Variants in PTPRD observed in about 807,000 individuals in gnomAD.
PTPRD encodes the protein receptor-type tyrosine-protein phosphatase delta.
PTPRD carries 34 observed loss-of-function variants against 214.5 expected under a neutral mutation model. The ratio of observed to expected loss-of-function variants is 0.16; its 90% CI spans 0.12 to 0.21. PTPRD has a LOEUF of 0.21. Among genes scored for constraint, PTPRD ranks in the 10% least tolerant of loss-of-function variants. The pLI is 1.00. For missense variants in PTPRD, 2,545 were observed against 2,398.7 expected, an observed-to-expected ratio of 1.06 and a Z score of -1.27; for synonymous variants, 1,128 against 845.7, an observed-to-expected ratio of 1.33 and a Z score of -5.79.
rs140605860 is a variant in PTPRD, at chr9:8,667,334, C to A, written c.65-30490G>T. Among the ~76,000 whole-genome samples, 87 of 152,162 alleles carry A rather than the reference C, an allele frequency of 5.7e-4. No individual in the cohort carries two copies. In the East Asian group the frequency reaches 0.016, roughly 28 times the overall value. The stretch of plus-strand genomic sequence containing the variant: ...AGCCTGGGCAACAAGAGCAAAACGT[C>A]GTCTCTAAATAAATAAATAAAACAA... On this transcript the variant is annotated intron_variant, in intron 12 of 45. Transcript: ENST00000381196.
At chr9:9,165,136 C>T (rs1319864475) in intron 10 of PTPRD, among the ~76,000 whole-genome samples, 2 of 151,170 alleles carry the variant, frequency 1.3e-5, no homozygotes, top group African/African-American at 2.4e-5. Context: ...TGAACTTCAT[C>T]TACCTGAAAG....
At chr9:9,152,172 C>T (rs2099877385) in intron 10 of PTPRD, among the ~76,000 whole-genome samples, 1 of 152,206 alleles carries the variant, frequency 6.6e-6, no homozygotes, top group Non-Finnish European at 1.5e-5. Flanking sequence ...CTGGCTAATA[C>T]TAACTAGCTC....
At chr9:10,346,023 T>TAAGA (rs2097073864) in intron 2 of PTPRD, among the ~76,000 whole-genome samples, 1 of 152,178 alleles carries the variant, frequency 6.6e-6, no homozygotes, top group African/African-American at 2.4e-5. Context: ...ATATCAATCA[T>TAAGA]TTAACCTCTT....
intron 8 of PTPRD, among the ~76,000 whole-genome samples, chr9:9,523,500 A>G (rs1229231883): frequency 6.6e-6 from 1 of 151,910 alleles, no homozygotes; most frequent in Non-Finnish European, 1.5e-5. Context: ...CCCTTGACAC[A>G]ACATATTTAT....
chr9:9,653,429 A>G (rs924088619), intron 7 of PTPRD, among the ~76,000 whole-genome samples: 2 of 147,638 alleles, frequency 1.4e-5, no homozygotes, highest in African/African-American at 4.9e-5. Flanking sequence ...TATAATGGTT[A>G]GCAAATATAG....
intron 11 of PTPRD, among the ~76,000 whole-genome samples, chr9:8,832,339 G>GT (rs1644257291): frequency 6.7e-6 from 1 of 148,614 alleles, no homozygotes; most frequent in South Asian, 2.2e-4. Flanking sequence ...GGGTAACAGT[G>GT]TATTTTTGTA....
chr9:8,931,099 G>A (rs10453209), intron 11 of PTPRD, among the ~76,000 whole-genome samples: 75,191 of 151,568 alleles, frequency 0.5, 18,899 homozygotes, highest in Middle Eastern at 0.59. Context: ...GTTTAGGTCT[G>A]ACATTTAAGT....
intron 11 of PTPRD, among the ~76,000 whole-genome samples, chr9:8,769,470 T>C (rs983687214): frequency 2.0e-5 from 3 of 152,182 alleles, no homozygotes; most frequent in Non-Finnish European, 2.9e-5. Flanking sequence ...AGTGTGTGAT[T>C]TGGCCGAGGC....
At chr9:8,723,514 G>C (rs1350237609) in intron 12 of PTPRD, among the ~76,000 whole-genome samples, 1 of 152,156 alleles carries the variant, frequency 6.6e-6, no homozygotes, top group African/African-American at 2.4e-5. Flanking sequence ...TATAAAGTCT[G>C]TGGTAACAGG....
intron 11 of PTPRD, among the ~76,000 whole-genome samples, chr9:9,004,185 C>G (rs773166668): frequency 2.3e-4 from 35 of 151,970 alleles, no homozygotes; most frequent in Non-Finnish European, 4.4e-4. Flanking sequence ...TTTTGATATT[C>G]AGTATCATTT....
intron 14 of PTPRD, among the ~76,000 whole-genome samples, chr9:8,610,575 A>C (rs1221882803): frequency 1.3e-5 from 2 of 152,184 alleles, no homozygotes; most frequent in African/African-American, 4.8e-5. Flanking sequence ...TTCTATTTGA[A>C]CAGCAAAAAA....
At chr9:8,489,785 A>G (rs1229077827) in intron 27 of PTPRD, among the ~76,000 whole-genome samples, 4 of 152,236 alleles carry the variant, frequency 2.6e-5, no homozygotes, top group Admixed American at 6.5e-5. Context: ...GAATTCTCCC[A>G]AACTCCACAG....
chr9:9,350,558 T>C (rs2050719038), intron 9 of PTPRD, among the ~76,000 whole-genome samples: 1 of 152,076 alleles, frequency 6.6e-6, no homozygotes, highest in Non-Finnish European at 1.5e-5. Flanking sequence ...TAAGGTGTCA[T>C]GGTCATCACT....
At position 8,484,187 on chromosome 9, in the gene PTPRD, A is replaced by C. The variant is rs368086691; in HGVS notation, c.3345T>G (p.Ile1115Met). The change falls in exon 30 of 46, where the codon ATT becomes ATG. Residue 1115 changes from isoleucine to methionine, a missense_variant. Ile to Met is a conservative substitution (Grantham distance 10). Transcript: ENST00000381196. ...PDVLRTKPAFIGKTNLDGMIT... is the reference protein window; with the variant it reads ...PDVLRTKPAFMGKTNLDGMIT... The stretch of plus-strand genomic sequence containing the variant: ...TCATGCCATCCAAGTTGGTCTTCCC[A>C]ATGAAGGCAGGCTTGGTACGTAATA... 5 of 1,614,064 alleles carry C rather than the reference A, an allele frequency of 3.1e-6. No individual in the cohort carries two copies. The highest frequency in any genetic ancestry group is 4.2e-6 in the Non-Finnish European group (5 of 1,180,040).
At chr9:8,747,773 C>A (rs866918462) in intron 11 of PTPRD, among the ~76,000 whole-genome samples, 18 of 152,144 alleles carry the variant, frequency 1.2e-4, no homozygotes, top group African/African-American at 4.3e-4. Flanking sequence ...TTCACTTAGG[C>A]ATTGATAGCA....
chr9:10,132,042 A>G (rs1564015787), intron 3 of PTPRD, among the ~76,000 whole-genome samples: 1 of 152,194 alleles, frequency 6.6e-6, no homozygotes, highest in African/African-American at 2.4e-5. Flanking sequence ...ATAAAAGTAG[A>G]CAATGATATA....
chr9:8,504,116 C>G (rs974415379), intron 23 of PTPRD, 145 bp downstream of exon 23: 3 of 767,530 alleles, frequency 3.9e-6, no homozygotes, highest in African/African-American at 3.5e-5. Flanking sequence ...CACAGTTACA[C>G]TTTCACCTGT....
chr9:9,124,944 T>C (rs1424271964), intron 10 of PTPRD, among the ~76,000 whole-genome samples: 2 of 152,196 alleles, frequency 1.3e-5, no homozygotes, highest in African/African-American at 4.8e-5. Context: ...GTTAACTCGT[T>C]ATAACAAGAG....
At chr9:8,835,300 T>C (rs908033387) in intron 11 of PTPRD, among the ~76,000 whole-genome samples, 3 of 152,212 alleles carry the variant, frequency 2.0e-5, no homozygotes, top group East Asian at 1.9e-4. Flanking sequence ...ATGTCTAGAA[T>C]GGTAGTCTCT....
Sources: gnomAD v4.1 joint callset for allele counts (sites outside exome capture counted in the v4.1 genomes callset) on GRCh38, gnomAD v4.1.1 for gene constraint, MANE v1.5 for transcripts, NCBI Gene and HGNC (gene_info 2026-07-23, HGNC 2026-07-21) for gene names.